Variants in COL25A1 observed in about 807,000 individuals in gnomAD.
The protein encoded by COL25A1 is collagen alpha-1(XXV) chain.
Under a neutral mutation model 128.4 loss-of-function variants are expected in COL25A1, and 103 were observed. That is an observed-to-expected ratio of 0.80 (90% CI 0.68 to 0.94). The LOEUF (loss-of-function observed/expected upper bound fraction) is 0.94, where lower values mean the gene tolerates loss of function less well. COL25A1 is among the 40% of genes least tolerant of loss of function. The probability of loss-of-function intolerance (pLI) is 0.00; values close to 1 mark genes in which losing one functional copy is unlikely to be tolerated. For synonymous variants in COL25A1, 279 were observed against 277.2 expected (o/e 1.01, Z -0.06); for missense variants, 745 against 840.0 (o/e 0.89, Z 1.40).
At chr4:109,020,315 C>T (rs189569543) in intron 5 of COL25A1, among the ~76,000 whole-genome samples, 2 of 152,198 alleles carry the variant, frequency 1.3e-5, no homozygotes, top group East Asian at 3.9e-4. Context: ...ACTAATATTA[C>T]TTAGATAAGA....
intron 3 of COL25A1, among the ~76,000 whole-genome samples, chr4:109,166,169 T>A (rs941551107): frequency 6.6e-6 from 1 of 152,154 alleles, no homozygotes; most frequent in Non-Finnish European, 1.5e-5. Context: ...GTGTGTGTAT[T>A]TTTAGTTGCA....
At chr4:108,922,273 A>G (rs1206346608) in intron 11 of COL25A1, among the ~76,000 whole-genome samples, 1 of 152,224 alleles carries the variant, frequency 6.6e-6, no homozygotes, top group African/African-American at 2.4e-5. Flanking sequence ...GAATGAAGAA[A>G]GGACTTGGGT....
intron 20 of COL25A1, among the ~76,000 whole-genome samples, chr4:108,865,580 G>C (rs1737800458): frequency 6.6e-6 from 1 of 152,136 alleles, no homozygotes; most frequent in African/African-American, 2.4e-5. Context: ...TGAGACTAAG[G>C]AGCTTCTATT....
chr4:109,284,125 A>C (rs975733973), intron 3 of COL25A1, among the ~76,000 whole-genome samples: 1 of 152,232 alleles, frequency 6.6e-6, no homozygotes, highest in Non-Finnish European at 1.5e-5. Context: ...ACATTTGTTA[A>C]CAATAAAAAG....
At chr4:109,252,944 C>A (rs1780764053) in intron 3 of COL25A1, among the ~76,000 whole-genome samples, 3 of 152,302 alleles carry the variant, frequency 2.0e-5, no homozygotes, top group Non-Finnish European at 4.4e-5. Context: ...AGGCCATAGG[C>A]ACAGACTGGG....
intron 8 of COL25A1, among the ~76,000 whole-genome samples, chr4:108,969,537 T>C (rs1751689691): frequency 6.6e-6 from 1 of 152,246 alleles, no homozygotes; most frequent in African/African-American, 2.4e-5. Flanking sequence ...ACTCATATCC[T>C]AGCTTTCATG....
intron 33 of COL25A1, 76 bp downstream of exon 33, chr4:108,827,059 C>T (rs528058756): frequency 1.2e-5 from 15 of 1,300,376 alleles, no homozygotes; most frequent in East Asian, 9.3e-5. Context: ...GCCCCACAAG[C>T]GAAGGGTTAA....
At chr4:109,250,885 T>C (rs1394962721) in intron 3 of COL25A1, among the ~76,000 whole-genome samples, 1 of 152,196 alleles carries the variant, frequency 6.6e-6, no homozygotes, top group Non-Finnish European at 1.5e-5. Context: ...TAAACCATAC[T>C]TAATCTCCAA....
intron 6 of COL25A1, among the ~76,000 whole-genome samples, chr4:109,002,811 T>C (rs1382689483): frequency 6.6e-6 from 1 of 152,134 alleles, no homozygotes; most frequent in African/African-American, 2.4e-5. Flanking sequence ...TATGCAGAAC[T>C]TGCAGGTTTG....
At chr4:109,150,827 A>G (rs1377057005) in intron 3 of COL25A1, among the ~76,000 whole-genome samples, 2 of 152,092 alleles carry the variant, frequency 1.3e-5, no homozygotes, top group Non-Finnish European at 2.9e-5. Context: ...GAACCTGTTT[A>G]CTCTTGAGAT....
At chr4:109,149,992 ATGTGTGGGTGTGTG>A (rs1560774251) in intron 3 of COL25A1, among the ~76,000 whole-genome samples, 1 of 142,580 alleles carries the variant, frequency 7.0e-6, no homozygotes, top group East Asian at 2.2e-4. Flanking sequence ...GTATGTGTGT[ATGTGTGGGTGTGTG>A]TGTGTGTATG....
rs1742774585 is a variant in COL25A1 at position 108,901,002 on chromosome 4, C to T, written c.834+117G>A. 4 of 741,108 alleles carry T rather than the reference C, an allele frequency of 5.4e-6. No homozygotes were observed. In the South Asian group the frequency reaches 6.9e-5, roughly 13 times the overall value. 45.9% of individuals were successfully genotyped at this position (741,108 alleles called of 1,614,324 possible). On this transcript the variant is annotated intron_variant, in intron 14 of 37. Transcript: ENST00000399132. Reference sequence around the variant, plus strand: ...ATACTATAGCATATTATACTATTCACAAAATACCCATGTAAGTGCAACTGG... The same window carrying T: ...ATACTATAGCATATTATACTATTCATAAAATACCCATGTAAGTGCAACTGG...
intron 26 of COL25A1, among the ~76,000 whole-genome samples, chr4:108,850,707 C>T (rs1433362869): frequency 4.6e-5 from 7 of 152,026 alleles, no homozygotes; most frequent in African/African-American, 1.7e-4. Context: ...GCCATAAGCC[C>T]TTTATTGGAA....
At chr4:109,014,536 T>C (rs1028522585) in intron 5 of COL25A1, among the ~76,000 whole-genome samples, 5 of 152,224 alleles carry the variant, frequency 3.3e-5, no homozygotes, top group Non-Finnish European at 7.3e-5. Context: ...GCCATTATAC[T>C]GACCAAATGA....
chr4:109,009,420 G>C lies in COL25A1; in HGVS notation c.438+938C>G, dbSNP rs1050212304. Among the ~76,000 whole-genome samples, 4 of 152,078 alleles carry C rather than the reference G, an allele frequency of 2.6e-5. 1 individual carries two copies. Among genetic ancestry groups the C allele is most frequent in the Admixed American group, 2.6e-4 (4 of 15,266 alleles). On this transcript the variant is annotated intron_variant, in intron 6 of 37. Coordinates refer to ENST00000399132, the MANE Select transcript of COL25A1 (RefSeq NM_198721.4). ...TTTACTGAAGTATGTGGAATGTTTT[G>C]CTTCATTAGACATCTATATACAGAG...
At chr4:109,232,428 T>G (rs573254887) in intron 3 of COL25A1, among the ~76,000 whole-genome samples, 1 of 152,210 alleles carries the variant, frequency 6.6e-6, no homozygotes, top group Non-Finnish European at 1.5e-5. Context: ...GGCTGAAATT[T>G]TGATTCACCT....
chr4:109,296,521 A>G (rs6824683), intron 3 of COL25A1, among the ~76,000 whole-genome samples: 44,897 of 151,824 alleles, frequency 0.3, 6,699 homozygotes, highest in East Asian at 0.35. Flanking sequence ...CATTTTCCCA[A>G]TGTCTAGCAC....
chr4:108,847,175 G>A (rs1269469917), intron 27 of COL25A1, among the ~76,000 whole-genome samples: 1 of 151,898 alleles, frequency 6.6e-6, no homozygotes, highest in Non-Finnish European at 1.5e-5. Context: ...CAAAGTGCTG[G>A]GATTACAGGC....
chr4:109,154,159 C>G (rs374030224), intron 3 of COL25A1, among the ~76,000 whole-genome samples: 7 of 152,066 alleles, frequency 4.6e-5, no homozygotes, highest in African/African-American at 1.4e-4. Flanking sequence ...TTTATGATAA[C>G]TCAAATCTAG....
Sources: allele counts gnomAD v4.1 joint callset (sites outside exome capture counted in the v4.1 genomes callset), GRCh38; gene constraint gnomAD v4.1.1; transcripts MANE v1.5; gene names NCBI Gene and HGNC (gene_info 2026-07-23, HGNC 2026-07-21).